The following MMP16 variants were observed in gnomAD, a reference collection of about 807,000 sequenced individuals.
MMP16 encodes matrix metallopeptidase 16.
A neutral mutation model predicts 67.8 loss-of-function variants in MMP16; 12 were observed. The observed-to-expected ratio is 0.18, with a 90% CI of 0.11 to 0.29. MMP16 has a LOEUF of 0.29. Ranked by LOEUF, MMP16 falls within the 10% of genes least tolerant of loss-of-function variation. MMP16 has a pLI of 1.00. For missense variants in MMP16, 475 were observed against 765.7 expected (o/e 0.62, Z 4.48); for synonymous variants, 249 against 255.9 (o/e 0.97, Z 0.26).
chr8:88,078,073 T>C (rs954666564), intron 6 of MMP16, among the ~76,000 whole-genome samples: 4 of 152,036 alleles, frequency 2.6e-5, no homozygotes, highest in African/African-American at 9.7e-5. Context: ...TCTCCCTCCC[T>C]CTTTGTTTTC....
At chr8:88,274,230 C>T (rs1433947220) in intron 1 of MMP16, among the ~76,000 whole-genome samples, 1 of 151,786 alleles carries the variant, frequency 6.6e-6, no homozygotes, top group African/African-American at 2.4e-5. Context: ...ATATGTATAG[C>T]TGAATTTACA....
chr8:88,062,396 T>C (rs1808410884), intron 7 of MMP16, among the ~76,000 whole-genome samples: 1 of 152,104 alleles, frequency 6.6e-6, no homozygotes, highest in African/African-American at 2.4e-5. Context: ...AGCAAAGACT[T>C]GGAACCAACC....
intron 4 of MMP16, among the ~76,000 whole-genome samples, chr8:88,157,386 G>A (rs909442872): frequency 6.6e-6 from 1 of 151,620 alleles, no homozygotes; most frequent in African/African-American, 2.4e-5. Flanking sequence ...TCTTATATAA[G>A]GGACTTGAGC....
chr8:88,041,368 G>A lies in MMP16; in HGVS notation c.*93C>T. On this transcript the variant is annotated 3_prime_UTR_variant, in exon 10 of 10. Coordinates refer to ENST00000286614, the MANE Select transcript of MMP16 (RefSeq NM_005941.5). The surrounding 1 kb of genome is among the most constrained non-coding windows in gnomAD (Gnocchi z 6.0). ...CCCCGAATCAGGCTGCCACAAGCCTGCTCCTAGCTAGGAAACAGCATAACA... is the reference window on the plus strand; with the variant it reads ...CCCCGAATCAGGCTGCCACAAGCCTACTCCTAGCTAGGAAACAGCATAACA... 1 of 1,334,104 alleles carries A rather than the reference G, an allele frequency of 7.5e-7. No individual in the cohort carries two copies. Among genetic ancestry groups the A allele is most frequent in the East Asian group, 2.3e-5 (1 of 43,142 alleles). The allele number at this position is 1,334,104 out of a possible 1,614,324, so 82.6% of individuals were successfully genotyped here. A position where few individuals can be genotyped will look rare whatever the true frequency, so the allele number is the denominator to read the frequency against.
Position 88,039,798 on chromosome 8 carries a change from G to A in MMP16, c.*1663C>T, listed in dbSNP as rs1333576201. On this transcript the variant is annotated 3_prime_UTR_variant, in exon 10 of 10. Transcript: ENST00000286614. This position sits in a 1 kb window ranked among gnomAD's most constrained non-coding sequence, Gnocchi z 4.5. The stretch of plus-strand genomic sequence containing the variant: ...TAAAAATCAATAAAGAGGTCTGTCA[G>A]TTGCTGACTTTTCTCTAGGAAAAAA... 2 of 152,598 alleles carry A rather than the reference G, an allele frequency of 1.3e-5. No individual in the cohort carries two copies. The highest frequency in any genetic ancestry group is 3.8e-4 in the East Asian group (2 of 5,198). The allele number at this position is 152,598 out of a possible 1,614,324, so 9.5% of individuals were successfully genotyped here.
At position 88,313,726 on chromosome 8, in the gene MMP16, G is replaced by A. The variant is rs533155336; in HGVS notation, c.132+13349C>T. 1.7e-4 allele frequency among the ~76,000 whole-genome samples: 26 copies of A among 152,118 alleles called. No individual in the cohort carries two copies. In the South Asian group the frequency reaches 5.2e-3, roughly 30 times the overall value. ...CTGATAAAGACATACCCAAGACTGG[G>A]CAATTTACAAAATAAAGAGGTTTAA... is the stretch of plus-strand genomic sequence containing the variant. On this transcript the variant is annotated intron_variant, in intron 1 of 9. Coordinates refer to ENST00000286614, the MANE Select transcript of MMP16 (RefSeq NM_005941.5).
Position 88,058,792 on chromosome 8 carries a change from T to G in MMP16, c.1223-2514A>C, listed in dbSNP as rs184884026. The stretch of plus-strand genomic sequence containing the variant: ...GAGGATCATGTAACCCCTGTAGGAG[T>G]TGAACTTTATTCTAAATGAAATAGG... On this transcript the variant is annotated intron_variant, in intron 7 of 9. Coordinates refer to ENST00000286614, the MANE Select transcript of MMP16 (RefSeq NM_005941.5). The surrounding 1 kb of genome is among the most constrained non-coding windows in gnomAD (Gnocchi z 4.2). Among the ~76,000 whole-genome samples the G allele has an allele frequency of 6.6e-6, 1 of 151,870 alleles. No homozygotes were observed. The highest frequency in any genetic ancestry group is 2.4e-5 in the African/African-American group (1 of 41,380).
At chr8:88,172,591 A>G (rs1228902704) in intron 3 of MMP16, among the ~76,000 whole-genome samples, 1 of 152,214 alleles carries the variant, frequency 6.6e-6, no homozygotes, top group Non-Finnish European at 1.5e-5. Flanking sequence ...GCAGAATAAA[A>G]GACACTGACT....
At chr8:88,207,018 A>G (rs1809439189) in intron 1 of MMP16, among the ~76,000 whole-genome samples, 2 of 152,316 alleles carry the variant, frequency 1.3e-5, no homozygotes, top group East Asian at 1.9e-4. Flanking sequence ...AAGCTTCAAC[A>G]ATTTGAAAAA....
chr8:88,261,383 C>T (rs1810385989), intron 1 of MMP16, among the ~76,000 whole-genome samples: 1 of 152,020 alleles, frequency 6.6e-6, no homozygotes, highest in African/African-American at 2.4e-5. Context: ...ACTGTATAAT[C>T]AGTGCATCAG....
At chr8:88,099,743 T>C (rs1809102563) in intron 6 of MMP16, among the ~76,000 whole-genome samples, 2 of 151,874 alleles carry the variant, frequency 1.3e-5, no homozygotes, top group African/African-American at 4.8e-5. Flanking sequence ...AGTTAAAGTA[T>C]CTCTTCCTCA....
intron 6 of MMP16, among the ~76,000 whole-genome samples, chr8:88,094,771 C>G (rs1808997576): frequency 6.6e-6 from 1 of 151,652 alleles, no homozygotes. Flanking sequence ...AAAATTTGTC[C>G]ATTTTCTTTC....
chr8:88,076,310 CAGACT>C (rs1218236984), intron 6 of MMP16, among the ~76,000 whole-genome samples: 1 of 152,118 alleles, frequency 6.6e-6, no homozygotes, highest in African/African-American at 2.4e-5. Context: ...GAACCTGGCA[CAGACT>C]AGTACCAACA....
intron 5 of MMP16, 131 bp from the exon 6 acceptor site, chr8:88,116,849 T>C (rs1438980972): frequency 2.5e-6 from 2 of 808,322 alleles, no homozygotes; most frequent in African/African-American, 3.4e-5. Flanking sequence ...TAAGATCGTA[T>C]ATTTTCTGAA....
At chr8:88,304,757 C>A (rs765088266) in intron 1 of MMP16, among the ~76,000 whole-genome samples, 1 of 152,118 alleles carries the variant, frequency 6.6e-6, no homozygotes, top group Non-Finnish European at 1.5e-5. Context: ...TGAGGGAATT[C>A]ATCATCATGA....
intron 1 of MMP16, among the ~76,000 whole-genome samples, chr8:88,225,214 T>C (rs1809750688): frequency 1.3e-5 from 2 of 151,982 alleles, no homozygotes. Flanking sequence ...TGGATAAAAA[T>C]GCACTAAGAG....
At chr8:88,095,953 A>G (rs1277792056) in intron 6 of MMP16, among the ~76,000 whole-genome samples, 2 of 151,990 alleles carry the variant, frequency 1.3e-5, no homozygotes, top group Non-Finnish European at 2.9e-5. Context: ...GCTCAAAACT[A>G]TATTTTACTA....
At chr8:88,175,952 C>A (rs775780510) in intron 3 of MMP16, among the ~76,000 whole-genome samples, 4 of 152,184 alleles carry the variant, frequency 2.6e-5, no homozygotes, top group Non-Finnish European at 5.9e-5. Flanking sequence ...TGCCTTCTGC[C>A]ATGATTGTGA....
chr8:88,037,109 A>C lies in MMP16; in HGVS notation c.*4352T>G, dbSNP rs1237792630. On this transcript the variant is annotated 3_prime_UTR_variant, in exon 10 of 10. Transcript: ENST00000286614. ...TAAGATCCACAAAGTGTGGGCGTGTATGTGTACCATACTAGATATATTAGC... is the reference window on the plus strand; with the variant it reads ...TAAGATCCACAAAGTGTGGGCGTGTCTGTGTACCATACTAGATATATTAGC... 6.7e-6 allele frequency: 1 copy of C among 150,168 alleles called. No individual in the cohort carries two copies. Among genetic ancestry groups the C allele is most frequent in the Admixed American group, 6.7e-5 (1 of 14,892 alleles). 9.3% of individuals were successfully genotyped at this position (150,168 alleles called of 1,614,324 possible). A position where few individuals can be genotyped will look rare whatever the true frequency, so the allele number is the denominator to read the frequency against.
Sources: allele counts gnomAD v4.1 joint callset (sites outside exome capture counted in the v4.1 genomes callset), GRCh38; gene constraint gnomAD v4.1.1; non-coding constraint Gnocchi (gnomAD v3.1); transcripts MANE v1.5; gene names NCBI Gene and HGNC (gene_info 2026-07-23, HGNC 2026-07-21).